BLM: variants seen among roughly 807,000 people sequenced by gnomAD.
BLM encodes recQ-like DNA helicase BLM.
In BLM, 95 loss-of-function variants were observed where a neutral mutation model predicts 135.3. The observed-to-expected ratio is 0.70, with a 90% confidence interval of 0.59 to 0.83. The LOEUF is 0.83. Among genes scored for constraint, BLM ranks in the 40% least tolerant of loss-of-function variants. The pLI, the probability that BLM is intolerant of heterozygous loss-of-function variation, is 0.00. For synonymous variants in BLM, 520 were observed against 589.2 expected (o/e 0.88, Z 1.70); for missense variants, 1,518 against 1,663.9 (o/e 0.91, Z 1.53).
chr15:90,781,684 T>TA (rs893317694), intron 12 of BLM, among the ~76,000 whole-genome samples: 4 of 152,104 alleles, frequency 2.6e-5, no homozygotes, highest in South Asian at 2.1e-4. Context: ...AAAAGAATCA[T>TA]AAAAAATCTC....
At chr15:90,748,870 G>A (rs776665155) in intron 2 of BLM, among the ~76,000 whole-genome samples, 2 of 151,038 alleles carry the variant, frequency 1.3e-5, no homozygotes, top group Admixed American at 1.3e-4. Context: ...CTATTCTCCT[G>A]CCTCAGCCTT....
At position 90,804,072 on chromosome 15, in the gene BLM, G is replaced by A. The variant is rs2301602; in HGVS notation, c.3559-95G>A. 734,535 of 1,157,588 alleles carry A rather than the reference G, an allele frequency of 0.63. 235,173 individuals carry two copies. Among genetic ancestry groups the A allele is most frequent in the East Asian group, 0.8 (31,594 of 39,414 alleles). The allele number at this position is 1,157,588 out of a possible 1,614,324, so 71.7% of individuals were successfully genotyped here. A position where few individuals can be genotyped will look rare whatever the true frequency, so the allele number is the denominator to read the frequency against. On this transcript the variant is annotated intron_variant, in intron 18 of 21. Transcript: ENST00000355112. ...ACTATCTGCATGACAGAATAGAATT[G>A]CCCCCCAAAAATGCAATTAAGCATT...
intron 15 of BLM, 55 bp downstream of exon 15, chr15:90,790,899 G>A (rs2151184844): frequency 6.6e-7 from 1 of 1,510,430 alleles, no homozygotes; most frequent in Non-Finnish European, 9.2e-7. Flanking sequence ...CATGATAGTA[G>A]TCTACTCCTG....
rs1895638851 is a variant in BLM at position 90,750,025 on chromosome 15, C to G, written c.757C>G (p.Gln253Glu). Residue 253 changes from glutamine to glutamate, a missense_variant, in exon 3 of 22, where the codon CAG becomes GAG. By Grantham distance (29) the Gln-to-Glu change is conservative. Around this residue, in one of 5 missense-constraint regions of BLM, gnomAD observed 724 missense variants for 756.9 expected, o/e 0.96. Coordinates refer to ENST00000355112, the MANE Select transcript of BLM (RefSeq NM_000057.4). ...TGAAGTGCATATAAATGAAGATGCT[C>G]AGGAAAGTGACTCTCTGAAAACTCA... ...IAEVHINEDA[Q>E]ESDSLKTHLE... 10 of 1,614,138 alleles carry G rather than the reference C, an allele frequency of 6.2e-6. No individual in the cohort carries two copies. The highest frequency in any genetic ancestry group is 8.5e-6 in the Non-Finnish European group (10 of 1,180,034).
At position 90,782,692 on chromosome 15, in the gene BLM, C is replaced by G. The variant is rs28385056; in HGVS notation, c.2556-130C>G. 89 of 692,688 alleles carry G rather than the reference C, an allele frequency of 1.3e-4. 3 individuals are homozygous for G. The South Asian group carries it at 1.5e-3, about 11-fold the overall frequency. 42.9% of individuals were successfully genotyped at this position (692,688 alleles called of 1,614,324 possible). A position where few individuals can be genotyped will look rare whatever the true frequency, so the allele number is the denominator to read the frequency against. On this transcript the variant is annotated intron_variant, in intron 12 of 21. Transcript: ENST00000355112. Reference sequence around the variant, plus strand: ...CCACCCCTCATGACCTAATTATCTCCCGGAGGCTCCAACTCCTAATACCAT... The same window carrying G: ...CCACCCCTCATGACCTAATTATCTCGCGGAGGCTCCAACTCCTAATACCAT...
In BLM at chr15:90,763,007, G is replaced by A. The variant is rs201458487; in HGVS notation, c.1924G>A (p.Glu642Lys). 1.1e-5 allele frequency: 17 copies of A among 1,613,410 alleles called. No homozygotes were observed. The African/African-American group carries it at 2.1e-4, about 20-fold the overall frequency. ...TTTAGCATCCAGAAATCTGAAACAT[G>A]AGCGTTTCCAAAGTCTTAGTTTTCC... is the stretch of plus-strand genomic sequence containing the variant. ...QNLASRNLKH[E>K]RFQSLSFPHT... The change falls in exon 8 of 22, where the codon GAG (glutamate) becomes AAG (lysine). Residue 642 changes from glutamate to lysine, a missense_variant. Around this residue, in one of 5 missense-constraint regions of BLM, gnomAD observed 724 missense variants for 756.9 expected, o/e 0.96. Coordinates refer to ENST00000355112, the MANE Select transcript of BLM (RefSeq NM_000057.4).
intron 12 of BLM, among the ~76,000 whole-genome samples, chr15:90,780,719 T>C (rs1340873782): frequency 6.6e-6 from 1 of 152,234 alleles, no homozygotes; most frequent in Non-Finnish European, 1.5e-5. Flanking sequence ...TCCACATGAA[T>C]GAAGTGATGT....
intron 3 of BLM, 70 bp from the exon 4 acceptor site, chr15:90,751,717 C>T (rs906146742): frequency 9.5e-6 from 13 of 1,363,332 alleles, no homozygotes; most frequent in African/African-American, 4.3e-5. Flanking sequence ...CATTCTTAAT[C>T]GCTCATGCCC....
intron 1 of BLM, among the ~76,000 whole-genome samples, chr15:90,730,211 A>G (rs948110227): frequency 6.6e-6 from 1 of 152,172 alleles, no homozygotes; most frequent in African/African-American, 2.4e-5. Flanking sequence ...ACAAAATTAT[A>G]GCCTTTGTGA....
At chr15:90,748,769 T>C (rs974483824) in intron 2 of BLM, among the ~76,000 whole-genome samples, 11 of 151,888 alleles carry the variant, frequency 7.2e-5, no homozygotes, top group African/African-American at 2.4e-4. Context: ...TTTTTCTTTT[T>C]TTTTTTTTGA....
At position 90,738,345 on chromosome 15, in the gene BLM, G is replaced by A. The variant is rs561896895; in HGVS notation, c.-4-9044G>A. On this transcript the variant is annotated intron_variant, in intron 1 of 21. Coordinates refer to ENST00000355112, the MANE Select transcript of BLM (RefSeq NM_000057.4). ...CAGCACTTTGGGAGGCTGCCGGGAC[G>A]GGAGAATTTCTTGAGCCTAGGAGTT... Among the ~76,000 whole-genome samples, 39 of 152,222 alleles carry A rather than the reference G, an allele frequency of 2.6e-4. No homozygotes were observed. The South Asian group carries it at 4.1e-3, about 16-fold the overall frequency.
At chr15:90,719,091 A>C (rs1894690569) in intron 1 of BLM, among the ~76,000 whole-genome samples, 1 of 152,174 alleles carries the variant, frequency 6.6e-6, no homozygotes. Context: ...TCCCGGGTTC[A>C]TGCCATTCTC....
intron 1 of BLM, among the ~76,000 whole-genome samples, chr15:90,733,457 G>A (rs927175129): frequency 2.6e-5 from 4 of 152,144 alleles, no homozygotes; most frequent in African/African-American, 9.7e-5. Context: ...CATTTATGGA[G>A]TCCAAATAAT....
chr15:90,797,485 G>A (rs1897058179), intron 16 of BLM, among the ~76,000 whole-genome samples: 1 of 148,238 alleles, frequency 6.7e-6, no homozygotes, highest in African/African-American at 2.5e-5. Context: ...TTTTCTTGAT[G>A]ACTCTAGATA....
At chr15:90,771,055 C>G (rs1248615234) in intron 12 of BLM, among the ~76,000 whole-genome samples, 1 of 152,142 alleles carries the variant, frequency 6.6e-6, no homozygotes, top group African/African-American at 2.4e-5. Flanking sequence ...TTAGAGTCCT[C>G]AGAATTTTGT....
At chr15:90,791,797 C>G (rs1232577422) in intron 15 of BLM, among the ~76,000 whole-genome samples, 2 of 152,076 alleles carry the variant, frequency 1.3e-5, no homozygotes, top group Non-Finnish European at 2.9e-5. Flanking sequence ...TGCTACCATG[C>G]CCAACTAATT....
intron 1 of BLM, among the ~76,000 whole-genome samples, chr15:90,744,794 A>G (rs1412306042): frequency 2.0e-5 from 3 of 151,958 alleles, no homozygotes; most frequent in African/African-American, 7.2e-5. Context: ...TCACACCTGC[A>G]ATCCCAGCAC....
chr15:90,777,698 TA>T (rs1896516278), intron 12 of BLM, among the ~76,000 whole-genome samples: 1 of 152,244 alleles, frequency 6.6e-6, no homozygotes, highest in African/African-American at 2.4e-5. Flanking sequence ...TCACACACTA[TA>T]AAATTCATCC....
chr15:90,765,466 A>G (rs762353911), intron 9 of BLM, 52 bp downstream of exon 9: 2 of 1,346,540 alleles, frequency 1.5e-6, no homozygotes, highest in African/African-American at 1.4e-5. Flanking sequence ...ATTAAATTTC[A>G]GTCCTCTGGA....
Sources: allele counts gnomAD v4.1 joint callset (sites outside exome capture counted in the v4.1 genomes callset), GRCh38; gene constraint gnomAD v4.1.1; regional missense constraint gnomAD v4.1.1; transcripts MANE v1.5; gene names NCBI Gene and HGNC (gene_info 2026-07-23, HGNC 2026-07-21).